SLC25A26: variants seen among roughly 807,000 people sequenced by gnomAD.
The protein encoded by SLC25A26 is solute carrier family 25 member 26.
A neutral mutation model predicts 37.8 loss-of-function variants in SLC25A26; 36 were observed. That is an observed-to-expected ratio of 0.95 (90% CI 0.73 to 1.26). The LOEUF (loss-of-function observed/expected upper bound fraction) is 1.26. SLC25A26 is among the 50% of genes most tolerant of loss of function. The pLI, the probability that SLC25A26 is intolerant of heterozygous loss-of-function variation, is 0.00. For synonymous variants in SLC25A26, 129 were observed against 122.5 expected (o/e 1.05, Z -0.35); for missense variants, 390 against 331.1 (o/e 1.18, Z -1.38).
chr3:66,155,547 A>C (rs1055838158), intron 1 of SLC25A26, among the ~76,000 whole-genome samples: 1 of 152,208 alleles, frequency 6.6e-6, no homozygotes, highest in Non-Finnish European at 1.5e-5. Context: ...AGGGAAGAAA[A>C]AAGAAAAATG....
intron 6 of SLC25A26, among the ~76,000 whole-genome samples, chr3:66,347,225 C>CT: frequency 6.6e-6 from 1 of 152,266 alleles, no homozygotes; most frequent in East Asian, 1.9e-4. Context: ...ACCTATTCAT[C>CT]TGACAAAGGT....
intron 6 of SLC25A26, 71 bp downstream of exon 6, chr3:66,346,479 G>A: frequency 1.3e-6 from 1 of 789,176 alleles, no homozygotes; most frequent in Non-Finnish European, 1.9e-6. Flanking sequence ...GTGTGGAAGA[G>A]TAGAACATAA....
chr3:66,258,848 T>TC (rs1559625778), intron 3 of SLC25A26, among the ~76,000 whole-genome samples: 1 of 150,054 alleles, frequency 6.7e-6, no homozygotes, highest in East Asian at 1.9e-4. Flanking sequence ...CCTTTTCTTT[T>TC]TTTTTTTTTT....
At chr3:66,166,088 T>C (rs1361188230) in intron 1 of SLC25A26, among the ~76,000 whole-genome samples, 1 of 152,226 alleles carries the variant, frequency 6.6e-6, no homozygotes, top group Non-Finnish European at 1.5e-5. Context: ...GATTCTGGCT[T>C]ATTTGCTCTG....
chr3:66,168,200 T>TATATAC (rs1553649663), intron 1 of SLC25A26, among the ~76,000 whole-genome samples: 7 of 115,484 alleles, frequency 6.1e-5, no homozygotes, highest in African/African-American at 2.0e-4. Context: ...TATATATATA[T>TATATAC]ACACACACAC....
intron 1 of SLC25A26, among the ~76,000 whole-genome samples, chr3:66,155,945 C>T (rs2070276791): frequency 6.6e-6 from 1 of 152,166 alleles, no homozygotes; most frequent in African/African-American, 2.4e-5. Context: ...GACTTAGGAA[C>T]CAGAGTCTCT....
chr3:66,248,411 C>T (rs914980251), intron 3 of SLC25A26, among the ~76,000 whole-genome samples: 2 of 152,072 alleles, frequency 1.3e-5, no homozygotes, highest in Admixed American at 1.3e-4. Flanking sequence ...CAGAAAAAGC[C>T]CTTTGGGAAG....
intron 4 of SLC25A26, among the ~76,000 whole-genome samples, 174 bp downstream of exon 4, chr3:66,262,329 T>A (rs1054689786): frequency 6.6e-6 from 1 of 152,212 alleles, no homozygotes; most frequent in Non-Finnish European, 1.5e-5. Context: ...TTTTTGAATA[T>A]TTTCATTTAC....
chr3:66,331,335 C>T (rs2075968690), intron 5 of SLC25A26, among the ~76,000 whole-genome samples: 1 of 152,078 alleles, frequency 6.6e-6, no homozygotes, highest in African/African-American at 2.4e-5. Context: ...CATTTAACTG[C>T]TGTATTTTAG....
At chr3:66,213,305 C>T (rs1259529516) in intron 1 of SLC25A26, among the ~76,000 whole-genome samples, 1 of 142,848 alleles carries the variant, frequency 7.0e-6, no homozygotes, top group African/African-American at 2.6e-5. Context: ...GAGGCTGAGG[C>T]AGGAGAATCA....
intron 2 of SLC25A26, among the ~76,000 whole-genome samples, chr3:66,240,294 AT>A (rs541359118): frequency 6.6e-6 from 1 of 151,962 alleles, no homozygotes; most frequent in Non-Finnish European, 1.5e-5. Flanking sequence ...AACACTATAC[AT>A]TTTTTTCCCC....
chr3:66,358,676 G>A (rs1286519021), intron 6 of SLC25A26, among the ~76,000 whole-genome samples: 2 of 152,036 alleles, frequency 1.3e-5, no homozygotes, highest in African/African-American at 4.8e-5. Flanking sequence ...TTTTTTCTTA[G>A]AGATGGGATC....
intron 5 of SLC25A26, among the ~76,000 whole-genome samples, chr3:66,322,317 G>A (rs929867669): frequency 6.6e-6 from 1 of 152,150 alleles, no homozygotes; most frequent in Non-Finnish European, 1.5e-5. Context: ...TATGTGACTA[G>A]TTAAAGATAT....
At chr3:66,255,220 C>T (rs928459680) in intron 3 of SLC25A26, among the ~76,000 whole-genome samples, 1 of 152,138 alleles carries the variant, frequency 6.6e-6, no homozygotes, top group Admixed American at 6.5e-5. Context: ...CTCAAGTTAT[C>T]CTCCTGTCTT....
chr3:66,275,953 C>G (rs2074129533), intron 5 of SLC25A26, among the ~76,000 whole-genome samples: 1 of 151,970 alleles, frequency 6.6e-6, no homozygotes, highest in Non-Finnish European at 1.5e-5. Context: ...GTCTTATTGT[C>G]TGAATAAACA....
chr3:66,336,177 C>T (rs1041555102), intron 5 of SLC25A26, among the ~76,000 whole-genome samples: 7 of 151,980 alleles, frequency 4.6e-5, no homozygotes, highest in African/African-American at 1.7e-4. Context: ...ATCTTTGGTA[C>T]CAGAAAAATT....
chr3:66,306,405 A>G (rs969565131), intron 5 of SLC25A26, among the ~76,000 whole-genome samples: 1 of 151,976 alleles, frequency 6.6e-6, no homozygotes, highest in Non-Finnish European at 1.5e-5. Flanking sequence ...TGGCTGCATG[A>G]ATGTCTTCTT....
intron 9 of SLC25A26, among the ~76,000 whole-genome samples, chr3:66,376,634 C>G (rs928797982): frequency 1.3e-5 from 2 of 152,224 alleles, no homozygotes; most frequent in Non-Finnish European, 1.5e-5. Context: ...CATAACTTTT[C>G]TGTGCCCTGG....
intron 1 of SLC25A26, among the ~76,000 whole-genome samples, chr3:66,152,829 G>C (rs1271497488): frequency 1.3e-5 from 2 of 152,114 alleles, no homozygotes; most frequent in African/African-American, 2.4e-5. Flanking sequence ...TTGGGTGTTT[G>C]TACATTCCAT....
Sources: gnomAD v4.1 joint callset for allele counts (sites outside exome capture counted in the v4.1 genomes callset) on GRCh38, gnomAD v4.1.1 for gene constraint, MANE v1.5 for transcripts, NCBI Gene and HGNC (gene_info 2026-07-23, HGNC 2026-07-21) for gene names.